The following DYNC2H1 variants were observed in gnomAD, a reference collection of about 807,000 sequenced individuals.
The protein encoded by DYNC2H1 is cytoplasmic dynein 2 heavy chain 1.
A neutral mutation model predicts 570.0 loss-of-function variants in DYNC2H1; 410 were observed. That is an observed-to-expected ratio of 0.72 (90% confidence interval 0.66 to 0.78). The LOEUF (loss-of-function observed/expected upper bound fraction) is 0.78, where lower values mean the gene tolerates loss of function less well. DYNC2H1 is among the 30% of genes least tolerant of loss of function. DYNC2H1 has a pLI of 0.00. For synonymous variants in DYNC2H1, 1,688 were observed against 1,677.6 expected (o/e 1.01, Z -0.15); for missense variants, 4,865 against 5,046.4 (o/e 0.96, Z 1.09).
chr11:103,222,148 C>A lies in DYNC2H1; in HGVS notation c.9226C>A (p.Pro3076Thr), dbSNP rs1863612111. The change falls in exon 58 of 89, where the codon CCA becomes ACA. Residue 3076 changes from proline (P) to threonine (T), a missense_variant. Pro to Thr is a conservative substitution (Grantham distance 38). Around this residue, in one of 5 missense-constraint regions of DYNC2H1, gnomAD observed 2,401 missense variants for 2,454.6 expected, o/e 0.98. Coordinates refer to ENST00000375735, the MANE Select transcript of DYNC2H1 (RefSeq NM_001377.3). Reference protein sequence around the residue: ...LLFKNKGSFDPKNAKRASTAA... With the variant: ...LLFKNKGSFDTKNAKRASTAA... ...TTTTAAAAATAAAGGCTCTTTTGAT[C>A]CAAAGGTAATTTTTAAGTTATACTA... 2 of 1,541,288 alleles carry A rather than the reference C, an allele frequency of 1.3e-6. No individual in the cohort carries two copies. Among genetic ancestry groups the A allele is most frequent in the East Asian group, 4.5e-5 (2 of 44,082 alleles).
rs908218410 is a variant in DYNC2H1, at chr11:103,325,901, G to A, written c.12039+1911G>A. On this transcript the variant is annotated intron_variant, in intron 82 of 88. Coordinates refer to ENST00000375735, the MANE Select transcript of DYNC2H1 (RefSeq NM_001377.3). This position sits in a 1 kb window ranked among gnomAD's most constrained non-coding sequence, Gnocchi z 4.8. The stretch of plus-strand genomic sequence containing the variant: ...GTATAGTGGGCTCCTTTGAAGGTAA[G>A]GGGACACTGGCTTTTTGAATTGCCA... Among the ~76,000 whole-genome samples the A allele has an allele frequency of 3.3e-5, 5 of 152,146 alleles. No homozygotes were observed. The highest frequency in any genetic ancestry group is 7.3e-5 in the Non-Finnish European group (5 of 68,038).
rs770790055 is a variant in DYNC2H1 at position 103,117,736 on chromosome 11, G to C, written c.872G>C (p.Cys291Ser). The C allele has an allele frequency of 2.5e-6, 4 of 1,613,366 alleles. No individual in the cohort carries two copies. Among genetic ancestry groups the C allele is most frequent in the Non-Finnish European group, 2.5e-6 (3 of 1,179,516 alleles). The change falls in exon 6 of 89, where the codon TGT becomes TCT. Residue 291 changes from cysteine to serine, a missense_variant. This residue lies in a region of DYNC2H1 where 1,936 missense variants were observed against 1,962.1 expected (regional missense o/e 0.99). Coordinates refer to ENST00000375735, the MANE Select transcript of DYNC2H1 (RefSeq NM_001377.3). Reference sequence around the variant, plus strand: ...AGTCTGAAAGCTGGTATTTCAATTTGTGAACAGTGGGTGATAGTCTGTAAT... The same window carrying C: ...AGTCTGAAAGCTGGTATTTCAATTTCTGAACAGTGGGTGATAGTCTGTAAT... Reference protein sequence around the residue: ...KESLKAGISICEQWVIVCNHL... With the variant: ...KESLKAGISISEQWVIVCNHL...
chr11:103,424,806 A>G (rs540577282), intron 84 of DYNC2H1, among the ~76,000 whole-genome samples: 1 of 152,292 alleles, frequency 6.6e-6, no homozygotes, highest in African/African-American at 2.4e-5. Flanking sequence ...TTACCAATAT[A>G]AGGTCAATGA....
rs750262824 is a variant in DYNC2H1, at chr11:103,255,540, A to C, written c.10326+6A>C. The C allele has an allele frequency of 6.5e-7, 1 of 1,534,854 alleles. No homozygotes were observed. Among genetic ancestry groups the C allele is most frequent in the South Asian group, 1.3e-5 (1 of 78,758 alleles). On this transcript the variant is annotated splice_donor_region_variant and intron_variant, in intron 67 of 88. Transcript: ENST00000375735. ...TCGAAGAATCTCTTCTAGAGGTAAA[A>C]GTCTAGCTATTTAGGTTACTTTTTT...
chr11:103,389,163 A>G (rs1197298227), intron 83 of DYNC2H1, among the ~76,000 whole-genome samples: 1 of 152,138 alleles, frequency 6.6e-6, no homozygotes, highest in East Asian at 1.9e-4. Flanking sequence ...GCTATGAACT[A>G]TTGCCTCAAT....
intron 83 of DYNC2H1, among the ~76,000 whole-genome samples, chr11:103,389,765 A>G (rs1942054747): frequency 6.6e-6 from 1 of 151,956 alleles, no homozygotes; most frequent in Non-Finnish European, 1.5e-5. Flanking sequence ...CCCAGTAGTC[A>G]TTCAGGAGCA....
chr11:103,169,991 A>T, intron 32 of DYNC2H1, 117 bp from the exon 33 acceptor site: 1 of 998,648 alleles, frequency 1.0e-6, no homozygotes, highest in Non-Finnish European at 1.4e-6. Flanking sequence ...TTCTGTGTTA[A>T]AAACTTTAAC....
intron 54 of DYNC2H1, among the ~76,000 whole-genome samples, chr11:103,214,749 A>G (rs552234531): frequency 6.6e-6 from 1 of 150,548 alleles, no homozygotes; most frequent in Non-Finnish European, 1.5e-5. Context: ...AGCCACAACA[A>G]TGCTAATACT....
Position 103,299,919 on chromosome 11 carries a change from C to A in DYNC2H1, c.11096-3174C>A, listed in dbSNP as rs1374512834. Among the ~76,000 whole-genome samples the A allele has an allele frequency of 6.6e-6, 1 of 152,014 alleles. No homozygotes were observed. Among genetic ancestry groups the A allele is most frequent in the Non-Finnish European group, 1.5e-5 (1 of 67,980 alleles). On this transcript the variant is annotated intron_variant, in intron 75 of 88. Coordinates refer to ENST00000375735, the MANE Select transcript of DYNC2H1 (RefSeq NM_001377.3). The surrounding 1 kb of genome is among the most constrained non-coding windows in gnomAD (Gnocchi z 4.5). The stretch of plus-strand genomic sequence containing the variant: ...TCAGTACTATTCCATTTCTAAAGTG[C>A]AGTTTCCCATTTAATTGGTTCATAT...
intron 17 of DYNC2H1, among the ~76,000 whole-genome samples, chr11:103,140,799 T>C (rs919532222): frequency 6.6e-6 from 1 of 152,220 alleles, no homozygotes; most frequent in Non-Finnish European, 1.5e-5. Context: ...CTGCAGAATG[T>C]TTTCCAACTT....
At chr11:103,128,603 A>C (rs1859112816) in intron 12 of DYNC2H1, among the ~76,000 whole-genome samples, 1 of 152,214 alleles carries the variant, frequency 6.6e-6, no homozygotes, top group Non-Finnish European at 1.5e-5. Flanking sequence ...TTAGTTTTTT[A>C]GCATTTAACA....
rs1555077890 is a variant in DYNC2H1 at position 103,238,603 on chromosome 11, ACC to A, written c.9819+2067_9819+2068del. On this transcript the variant is annotated intron_variant, in intron 63 of 88. Transcript: ENST00000375735. ...CACATACACACACACACACACACAC[ACC>A]CCAATGCTAAAGCTTTTCTGAGGTT... 2.1e-3 allele frequency among the ~76,000 whole-genome samples: 285 copies of A among 136,334 alleles called. 2 individuals are homozygous for A. Among genetic ancestry groups the A allele is most frequent in the African/African-American group, 6.9e-3 (261 of 37,934 alleles). The allele number at this position is 136,334 out of a possible 152,430, so 89.4% of individuals were successfully genotyped here.
intron 76 of DYNC2H1, among the ~76,000 whole-genome samples, chr11:103,303,799 C>A (rs1467620337): frequency 6.6e-6 from 1 of 152,106 alleles, no homozygotes; most frequent in Non-Finnish European, 1.5e-5. Context: ...TAATTTAAGG[C>A]ACTAAATCTG....
At chr11:103,453,129 T>C (rs1001408774) in intron 85 of DYNC2H1, among the ~76,000 whole-genome samples, 3 of 87,800 alleles carry the variant, frequency 3.4e-5, no homozygotes, top group Non-Finnish European at 2.6e-5. Context: ...TATGAGTATA[T>C]AGTCTCATAG....
At chr11:103,273,068 GT>G (rs1555086240) in intron 70 of DYNC2H1, among the ~76,000 whole-genome samples, 11 of 150,052 alleles carry the variant, frequency 7.3e-5, no homozygotes. Context: ...GATTTTGACA[GT>G]TTTTTTAAAA....
At chr11:103,287,745 T>G in intron 75 of DYNC2H1, 140 bp downstream of exon 75, 16 of 732,996 alleles carry the variant, frequency 2.2e-5, no homozygotes, top group East Asian at 8.9e-5. Context: ...TTCCAATCTC[T>G]ACCTGTTTTA....
intron 81 of DYNC2H1, among the ~76,000 whole-genome samples, chr11:103,322,555 T>A (rs1938264600): frequency 6.6e-6 from 1 of 152,258 alleles, no homozygotes; most frequent in Non-Finnish European, 1.5e-5. Context: ...TTATATAAAT[T>A]ATATCACGTG....
Position 103,177,295 on chromosome 11 carries a change from A to G in DYNC2H1, c.5875-261A>G, listed in dbSNP as rs1861864148. Among the ~76,000 whole-genome samples the G allele has an allele frequency of 6.6e-6, 1 of 152,190 alleles. No homozygotes were observed. The highest frequency in any genetic ancestry group is 1.5e-5 in the Non-Finnish European group (1 of 68,020). ...TGAATGAGTGGAGCAAGTAACGAAC[A>G]TAATTGTTCATACAAGTTTTTTGAA... On this transcript the variant is annotated intron_variant, in intron 37 of 88. Coordinates refer to ENST00000375735, the MANE Select transcript of DYNC2H1 (RefSeq NM_001377.3). The surrounding 1 kb of genome is among the most constrained non-coding windows in gnomAD (Gnocchi z 4.4).
At chr11:103,131,215 C>A (rs1159145076) in intron 13 of DYNC2H1, among the ~76,000 whole-genome samples, 1 of 152,086 alleles carries the variant, frequency 6.6e-6, no homozygotes, top group Non-Finnish European at 1.5e-5. Context: ...TATAATTTTT[C>A]CCCTAATCAT....
Sources: gnomAD v4.1 joint callset for allele counts (sites outside exome capture counted in the v4.1 genomes callset) on GRCh38, gnomAD v4.1.1 for gene constraint, gnomAD v4.1.1 regional missense constraint, Gnocchi (gnomAD v3.1) non-coding constraint, MANE v1.5 for transcripts, NCBI Gene and HGNC (gene_info 2026-07-23, HGNC 2026-07-21) for gene names.